Variants in ARMH3 observed in about 807,000 individuals in gnomAD.
ARMH3 encodes the protein armadillo like helical domain containing 3, also known as armadillo-like helical domain-containing protein 3.
A neutral mutation model predicts 99.1 loss-of-function variants in ARMH3; 60 were observed. The observed-to-expected ratio is 0.61, with a 90% CI of 0.49 to 0.75. The LOEUF is 0.75. Ranked by LOEUF, ARMH3 falls within the 30% of genes least tolerant of loss-of-function variation. ARMH3 has a pLI of 0.00. For missense variants in ARMH3, 679 were observed against 843.1 expected (o/e 0.81, Z 2.41); for synonymous variants, 285 against 292.8 (o/e 0.97, Z 0.27).
At chr10:101,931,385 T>C (rs1457330489) in intron 23 of ARMH3, among the ~76,000 whole-genome samples, 3 of 151,942 alleles carry the variant, frequency 2.0e-5, no homozygotes, top group Non-Finnish European at 2.9e-5. Flanking sequence ...ATTAGGCCAG[T>C]GTGGTGGTGG....
At chr10:102,023,440 A>C (rs2066932199) in intron 8 of ARMH3, 37 bp downstream of exon 8, 1 of 1,561,490 alleles carries the variant, frequency 6.4e-7, no homozygotes, top group Non-Finnish European at 8.8e-7. Flanking sequence ...AGAAGATTAT[A>C]GGCAGATAAC....
chr10:101,850,271 T>C (rs2066564646), intron 24 of ARMH3, among the ~76,000 whole-genome samples: 1 of 151,244 alleles, frequency 6.6e-6, no homozygotes, highest in Admixed American at 6.6e-5. Flanking sequence ...CTGTTTTTTA[T>C]ATGTTTTAGT....
chr10:102,050,490 A>T (rs936925066), intron 1 of ARMH3, among the ~76,000 whole-genome samples: 3 of 152,070 alleles, frequency 2.0e-5, no homozygotes, highest in Non-Finnish European at 4.4e-5. Context: ...ATAAATAAAT[A>T]AAAAGATTCA....
chr10:101,999,403 G>A (rs1255883069), intron 15 of ARMH3, among the ~76,000 whole-genome samples: 1 of 152,018 alleles, frequency 6.6e-6, no homozygotes, highest in Non-Finnish European at 1.5e-5. Context: ...TGTTGGCCAG[G>A]CTGGTCTCAA....
chr10:102,011,772 T>C lies in ARMH3; in HGVS notation c.782A>G (p.Asp261Gly), dbSNP rs1201278383. The C allele has an allele frequency of 6.2e-7, 1 of 1,610,462 alleles. No homozygotes were observed. Among genetic ancestry groups the C allele is most frequent in the Non-Finnish European group, 8.5e-7 (1 of 1,177,790 alleles). The change falls in exon 11 of 26, where the codon GAC becomes GGC. Residue 261 changes from aspartate (D) to glycine (G), a missense_variant. Asp to Gly is a moderately conservative substitution (Grantham distance 94). Coordinates refer to ENST00000370033, the MANE Select transcript of ARMH3 (RefSeq NM_024541.3). Reference protein sequence around the residue: ...ALSEYNRQYKDKEEEHQSGFF... With the variant: ...ALSEYNRQYKGKEEEHQSGFF... ...ACCACTTTGGTGTTCTTCTTCCTTGTCTTTATACTGCCTAAACAAAAAGAA... is the reference window on the plus strand; with the variant it reads ...ACCACTTTGGTGTTCTTCTTCCTTGCCTTTATACTGCCTAAACAAAAAGAA...
intron 23 of ARMH3, among the ~76,000 whole-genome samples, chr10:101,915,968 T>TA (rs1564748770): frequency 6.6e-6 from 1 of 152,060 alleles, no homozygotes; most frequent in African/African-American, 2.4e-5. Flanking sequence ...GGCGCCTGGC[T>TA]AATTTTTTTG....
chr10:102,012,035 C>T (rs1387690348), intron 10 of ARMH3, among the ~76,000 whole-genome samples: 1 of 152,128 alleles, frequency 6.6e-6, no homozygotes, highest in East Asian at 1.9e-4. Context: ...GCAAAAGTGC[C>T]CTAACATATA....
At chr10:101,950,885 T>C (rs1284470027) in intron 22 of ARMH3, among the ~76,000 whole-genome samples, 1 of 152,208 alleles carries the variant, frequency 6.6e-6, no homozygotes, top group East Asian at 1.9e-4. Context: ...GTGATGGTGG[T>C]ACAACTCTCT....
intron 23 of ARMH3, among the ~76,000 whole-genome samples, chr10:101,937,791 CT>C (rs1423927831): frequency 6.6e-6 from 1 of 152,122 alleles, no homozygotes; most frequent in Non-Finnish European, 1.5e-5. Context: ...TTAGTACTAC[CT>C]GTATTTTTCC....
chr10:101,977,902 G>A (rs554101275), intron 19 of ARMH3, among the ~76,000 whole-genome samples: 24 of 152,290 alleles, frequency 1.6e-4, no homozygotes, highest in Admixed American at 9.8e-4. Flanking sequence ...CTAGTCTTCA[G>A]AACTGTGAAC....
At chr10:101,867,006 T>G (rs891344802) in intron 24 of ARMH3, among the ~76,000 whole-genome samples, 3 of 152,130 alleles carry the variant, frequency 2.0e-5, no homozygotes, top group Non-Finnish European at 4.4e-5. Context: ...AAGACATTTA[T>G]TAGTAAGGAA....
At chr10:102,026,689 G>T (rs1337083416) in intron 5 of ARMH3, among the ~76,000 whole-genome samples, 1 of 152,206 alleles carries the variant, frequency 6.6e-6, no homozygotes, top group Non-Finnish European at 1.5e-5. Flanking sequence ...ATATGGTGCA[G>T]ATTTTGAAAG....
chr10:101,941,907 AC>A (rs2135723955), intron 22 of ARMH3, among the ~76,000 whole-genome samples: 1 of 152,290 alleles, frequency 6.6e-6, no homozygotes, highest in East Asian at 1.9e-4. Flanking sequence ...CAGATCCCCC[AC>A]AAAAATCACA....
At chr10:101,940,803 C>T (rs1034423927) in intron 22 of ARMH3, among the ~76,000 whole-genome samples, 1 of 151,846 alleles carries the variant, frequency 6.6e-6, no homozygotes, top group Non-Finnish European at 1.5e-5. Flanking sequence ...CAAACTCACA[C>T]AGAGAGGAAA....
intron 23 of ARMH3, among the ~76,000 whole-genome samples, chr10:101,933,409 C>CTTTAG (rs1180327636): frequency 6.6e-6 from 1 of 152,214 alleles, no homozygotes; most frequent in African/African-American, 2.4e-5. Context: ...ACTAAGACTT[C>CTTTAG]TTTACCTCAC....
chr10:101,990,384 C>T (rs922246523), intron 19 of ARMH3, among the ~76,000 whole-genome samples, 167 bp downstream of exon 19: 2 of 151,934 alleles, frequency 1.3e-5, no homozygotes, highest in African/African-American at 4.8e-5. Flanking sequence ...GGGGTTTCAC[C>T]GTGGTCTCGA....
At chr10:101,861,404 G>A (rs1052623320) in intron 24 of ARMH3, among the ~76,000 whole-genome samples, 13 of 152,332 alleles carry the variant, frequency 8.5e-5, no homozygotes, top group Admixed American at 6.5e-4. Flanking sequence ...CTGAGAGAAT[G>A]TGTTGCCAAA....
chr10:102,009,335 TAGAG>T, intron 13 of ARMH3, 35 bp downstream of exon 13: 1 of 1,554,650 alleles, frequency 6.4e-7, no homozygotes, highest in East Asian at 2.2e-5. Context: ...GTATGAAATT[TAGAG>T]AGAAAAAAAC....
At chr10:101,857,236 T>C (rs2066756564) in intron 24 of ARMH3, among the ~76,000 whole-genome samples, 1 of 152,108 alleles carries the variant, frequency 6.6e-6, no homozygotes, top group Non-Finnish European at 1.5e-5. Context: ...GGTGGGCGGA[T>C]CACTTGAGGT....
Sources: allele counts gnomAD v4.1 joint callset (sites outside exome capture counted in the v4.1 genomes callset), GRCh38; gene constraint gnomAD v4.1.1; transcripts MANE v1.5; gene names NCBI Gene and HGNC (gene_info 2026-07-23, HGNC 2026-07-21).